Variants in PCDH9 observed in about 807,000 individuals in gnomAD.
PCDH9 encodes the protein protocadherin-9.
In PCDH9, 24 loss-of-function variants were observed where a neutral mutation model predicts 70.6. That is an observed-to-expected ratio of 0.34 (90% CI 0.25 to 0.48). PCDH9 has a LOEUF of 0.48. Ranked by LOEUF, PCDH9 falls within the 20% of genes least tolerant of loss-of-function variation. The probability of loss-of-function intolerance (pLI) is 0.99; values close to 1 mark genes in which losing one functional copy is unlikely to be tolerated. For synonymous variants in PCDH9, 562 were observed against 558.5 expected, an observed-to-expected ratio of 1.01 and a Z score of -0.09; for missense variants, 1,281 against 1,503.6, an observed-to-expected ratio of 0.85 and a Z score of 2.45.
At chr13:66,553,875 C>T (rs1259519353) in intron 4 of PCDH9, among the ~76,000 whole-genome samples, 1 of 152,066 alleles carries the variant, frequency 6.6e-6, no homozygotes, top group African/African-American at 2.4e-5. Context: ...CATAAAGTAA[C>T]TTTATATACA....
intron 2 of PCDH9, among the ~76,000 whole-genome samples, chr13:67,095,081 A>G (rs1327617394): frequency 1.3e-5 from 2 of 152,110 alleles, no homozygotes; most frequent in African/African-American, 4.8e-5. Context: ...AAAAAGACAA[A>G]TATTCTTTCA....
chr13:66,861,575 C>T (rs1385353716), intron 3 of PCDH9, among the ~76,000 whole-genome samples: 3 of 152,240 alleles, frequency 2.0e-5, no homozygotes, highest in Admixed American at 6.5e-5. Flanking sequence ...AAAGGTTGTA[C>T]TTAAGTTTAA....
intron 2 of PCDH9, among the ~76,000 whole-genome samples, chr13:67,121,353 T>A (rs2086874915): frequency 6.6e-6 from 1 of 152,200 alleles, no homozygotes; most frequent in Admixed American, 6.6e-5. Flanking sequence ...TTTTAAAATG[T>A]GTTGAACCTG....
intron 3 of PCDH9, among the ~76,000 whole-genome samples, chr13:66,648,116 G>T (rs1243102868): frequency 6.6e-6 from 1 of 152,150 alleles, no homozygotes; most frequent in Non-Finnish European, 1.5e-5. Context: ...AATCTGCCTG[G>T]AGCCAAGATA....
At chr13:67,089,052 C>A (rs959730946) in intron 2 of PCDH9, among the ~76,000 whole-genome samples, 10 of 151,792 alleles carry the variant, frequency 6.6e-5, no homozygotes, top group African/African-American at 2.2e-4. Flanking sequence ...AATTTTTTCA[C>A]CCAGTGAAGT....
At chr13:66,723,495 T>C (rs567156731) in intron 3 of PCDH9, among the ~76,000 whole-genome samples, 75 of 152,202 alleles carry the variant, frequency 4.9e-4, no homozygotes, top group African/African-American at 1.7e-3. Context: ...TTAATGAGAG[T>C]TATTTCAGTA....
In PCDH9 at chr13:66,986,446, C is replaced by T. The variant is rs549412008; in HGVS notation, c.3037-82841G>A. Among the ~76,000 whole-genome samples, 292 of 151,990 alleles carry T rather than the reference C, an allele frequency of 1.9e-3. 1 individual carries two copies. The highest frequency in any genetic ancestry group is 3.7e-3 in the Non-Finnish European group (251 of 67,896). On this transcript the variant is annotated intron_variant, in intron 2 of 4. Transcript: ENST00000377865. ...CACCCTTATGAATTAATGATCATGA[C>T]AAAACAAATGCAACTGAATAATCTG...
At chr13:66,966,260 C>T (rs2083433489) in intron 2 of PCDH9, among the ~76,000 whole-genome samples, 1 of 152,106 alleles carries the variant, frequency 6.6e-6, no homozygotes, top group Non-Finnish European at 1.5e-5. Flanking sequence ...ACTACCCCTC[C>T]TACCAAACTT....
At chr13:66,510,651 G>T (rs1959428510) in intron 4 of PCDH9, among the ~76,000 whole-genome samples, 1 of 152,064 alleles carries the variant, frequency 6.6e-6, no homozygotes, top group South Asian at 2.1e-4. Context: ...GAGAATGATG[G>T]TTTCCAGCTT....
At chr13:66,690,248 C>T (rs527877605) in intron 3 of PCDH9, among the ~76,000 whole-genome samples, 22 of 151,972 alleles carry the variant, frequency 1.4e-4, no homozygotes, top group African/African-American at 4.8e-4. Context: ...TTCATCATCA[C>T]GATATAGCAG....
intron 2 of PCDH9, among the ~76,000 whole-genome samples, chr13:67,024,432 G>A (rs2084739661): frequency 6.6e-6 from 1 of 151,990 alleles, no homozygotes; most frequent in South Asian, 2.1e-4. Context: ...GAAATTTTGT[G>A]AGCCAGTTAT....
At chr13:67,203,165 TTTAA>T (rs1456479635) in intron 2 of PCDH9, 1 of 152,136 alleles carries the variant, frequency 6.6e-6, no homozygotes, top group African/African-American at 2.4e-5. Context: ...TCAAATATCC[TTTAA>T]TTCTTTCTTA....
chr13:66,525,287 C>A (rs1960164019), intron 4 of PCDH9, among the ~76,000 whole-genome samples: 5 of 151,980 alleles, frequency 3.3e-5, no homozygotes, highest in African/African-American at 1.2e-4. Flanking sequence ...CCCAGTTTAC[C>A]ACCTCTTTAC....
intron 3 of PCDH9, among the ~76,000 whole-genome samples, chr13:66,849,517 T>TATATATATAGAG (rs1272589939): frequency 1.9e-4 from 12 of 63,566 alleles, no homozygotes; most frequent in Admixed American, 2.0e-4. Flanking sequence ...TATATATATA[T>TATATATATAGAG]AGAGAGAGAG....
intron 2 of PCDH9, chr13:67,207,326 T>C (rs991351792): frequency 4.6e-5 from 7 of 152,146 alleles, no homozygotes; most frequent in African/African-American, 1.2e-4. Context: ...GAGCGCAGTG[T>C]CTAAGACTGC....
At chr13:67,200,790 G>A (rs1192185545) in intron 2 of PCDH9, among the ~76,000 whole-genome samples, 2 of 151,986 alleles carry the variant, frequency 1.3e-5, no homozygotes, top group Admixed American at 6.6e-5. Flanking sequence ...AGTGAGGGGG[G>A]AAGCCCAGCC....
rs559007523 is a variant in PCDH9, at chr13:66,383,394, C to G, written c.3341-78366G>C. 5.4e-4 allele frequency among the ~76,000 whole-genome samples: 82 copies of G among 152,260 alleles called. 2 individuals carry two copies. The South Asian group carries it at 0.016, about 30-fold the overall frequency. ...GTGTTCATGTTTCATTCAAAATGCT[C>G]AGAAACGTATCTCCTCCTGGGGAAG... On this transcript the variant is annotated intron_variant, in intron 4 of 4. Coordinates refer to ENST00000377865, the MANE Select transcript of PCDH9 (RefSeq NM_203487.3).
In PCDH9 at chr13:66,502,802, C is replaced by T. The variant is rs141139083; in HGVS notation, c.3340+128408G>A. Among the ~76,000 whole-genome samples, 755 of 152,242 alleles carry T rather than the reference C, an allele frequency of 5.0e-3. 3 individuals are homozygous for T. Among genetic ancestry groups the T allele is most frequent in the Non-Finnish European group, 7.1e-3 (482 of 68,004 alleles). On this transcript the variant is annotated intron_variant, in intron 4 of 4. Transcript: ENST00000377865. ...TCAATTAGGAGTATACTAAACTACA[C>T]AGAATTTGCTGATGTGAATATCTCA...
At chr13:67,177,779 C>A (rs915067439) in intron 2 of PCDH9, among the ~76,000 whole-genome samples, 1 of 152,106 alleles carries the variant, frequency 6.6e-6, no homozygotes, top group South Asian at 2.1e-4. Flanking sequence ...TTTGCTAACA[C>A]TGGACCTTTC....
Sources: allele counts gnomAD v4.1 joint callset (sites outside exome capture counted in the v4.1 genomes callset), GRCh38; gene constraint gnomAD v4.1.1; transcripts MANE v1.5; gene names NCBI Gene and HGNC (gene_info 2026-07-23, HGNC 2026-07-21).